MYOT: variants seen among roughly 807,000 people sequenced by gnomAD.
MYOT encodes myotilin, also known as 57 kDa cytoskeletal protein.
Under a neutral mutation model 58.0 loss-of-function variants are expected in MYOT, and 36 were observed. The ratio of observed to expected loss-of-function variants is 0.62; its 90% confidence interval spans 0.48 to 0.82. The LOEUF is 0.82. MYOT is among the 40% of genes least tolerant of loss of function. The probability of loss-of-function intolerance (pLI) is 0.00; values close to 1 mark genes in which losing one functional copy is unlikely to be tolerated. For missense variants in MYOT, 505 were observed against 592.1 expected (o/e 0.85, Z 1.53); for synonymous variants, 218 against 204.6 (o/e 1.07, Z -0.56).
intron 4 of MYOT, 38 bp downstream of exon 4, chr5:137,877,659 G>A: frequency 7.1e-7 from 1 of 1,417,046 alleles, no homozygotes; most frequent in Non-Finnish European, 1.0e-6. Context: ...TTTTTATTCT[G>A]TGCGATTTTT....
chr5:137,883,659 TAAAAG>T, intron 7 of MYOT, 68 bp downstream of exon 7: 2 of 1,435,994 alleles, frequency 1.4e-6, no homozygotes, highest in Non-Finnish European at 1.9e-6. Flanking sequence ...GAAAGTATTT[TAAAAG>T]AAAAGCCCAG....
chr5:137,882,023 A>G lies in MYOT; in HGVS notation c.734A>G (p.Glu245Gly), dbSNP rs368633016. ...GDVNDQDAIQ[E>G]KFYPPRFIQV... ...GTGAATGATCAGGATGCAATCCAGG[A>G]GAAATTTTACCCACCACGTTTCATT... is the stretch of plus-strand genomic sequence containing the variant. Residue 245 changes from glutamate to glycine, a missense_variant, in exon 6 of 10, where the codon GAG becomes GGG. By Grantham distance (98) the Glu-to-Gly change is moderately conservative. Transcript: ENST00000239926. 3.1e-6 allele frequency: 5 copies of G among 1,614,112 alleles called. No individual in the cohort carries two copies. The African/African-American group carries it at 6.7e-5, about 22-fold the overall frequency.
intron 2 of MYOT, among the ~76,000 whole-genome samples, chr5:137,873,780 AG>A (rs1755122537): frequency 6.6e-6 from 1 of 152,230 alleles, no homozygotes; most frequent in Non-Finnish European, 1.5e-5. Context: ...GTGTATCATT[AG>A]CTTTCAATAG....
In MYOT at chr5:137,877,516, A is replaced by G. The variant is rs1341257878; in HGVS notation, c.532-4A>G. ...TAATTACTGTCTCAATAAATTCTCT[A>G]AAGCGTCTAACATATGAAGAGAAGA... On this transcript the variant is annotated splice_polypyrimidine_tract_variant and splice_region_variant and intron_variant, in intron 3 of 9. Coordinates refer to ENST00000239926, the MANE Select transcript of MYOT (RefSeq NM_006790.3). 3 of 1,600,238 alleles carry G rather than the reference A, an allele frequency of 1.9e-6. No homozygotes were observed. The highest frequency in any genetic ancestry group is 1.3e-5 in the African/African-American group (1 of 74,618).
At position 137,870,506 on chromosome 5, in the gene MYOT, A is replaced by G. The variant is rs1235718603; in HGVS notation, c.-146A>G. Reference sequence around the variant, plus strand: ...GGAGCACAGTATTCTCAGGATCTCAACAAGGAAGAGCAGACCAAGGTTGCT... The same window carrying G: ...GGAGCACAGTATTCTCAGGATCTCAGCAAGGAAGAGCAGACCAAGGTTGCT... On this transcript the variant is annotated 5_prime_UTR_variant, in exon 2 of 10. Transcript: ENST00000239926. 9.2e-6 allele frequency: 7 copies of G among 759,528 alleles called. No individual in the cohort carries two copies. The highest frequency in any genetic ancestry group is 1.7e-5 in the Non-Finnish European group (7 of 420,748). 47.0% of individuals were successfully genotyped at this position (759,528 alleles called of 1,614,324 possible).
rs750574847 is a variant in MYOT, at chr5:137,887,010, A to AT, written c.1324+15dup. ...TTAGACGTTACGGGTATGTCATACTATTAACCAAAGTATTATAAGGGATTT... is the reference window on the plus strand; with the variant it reads ...TTAGACGTTACGGGTATGTCATACTATTTAACCAAAGTATTATAAGGGATTT... On this transcript the variant is annotated intron_variant, in intron 9 of 9. Coordinates refer to ENST00000239926, the MANE Select transcript of MYOT (RefSeq NM_006790.3). 1.2e-6 allele frequency: 2 copies of AT among 1,610,912 alleles called. No homozygotes were observed. Among genetic ancestry groups the AT allele is most frequent in the Non-Finnish European group, 1.7e-6 (2 of 1,177,056 alleles).
In MYOT at chr5:137,881,790, G is replaced by A. The variant is rs139831304; in HGVS notation, c.684-183G>A. Among the ~76,000 whole-genome samples, 575 of 152,104 alleles carry A rather than the reference G, an allele frequency of 3.8e-3. 3 individuals carry two copies. The highest frequency in any genetic ancestry group is 0.013 in the African/African-American group (537 of 41,496). On this transcript the variant is annotated intron_variant, in intron 5 of 9. Coordinates refer to ENST00000239926, the MANE Select transcript of MYOT (RefSeq NM_006790.3). ...CGGCTCACTGCAACCTCCGCCTCCC[G>A]GGTTCAAGCGATTCTCCTGCCTTAG...
chr5:137,880,627 C>T (rs1363426228), intron 4 of MYOT, 189 bp from the exon 5 acceptor site: 1 of 534,442 alleles, frequency 1.9e-6, no homozygotes, highest in African/African-American at 1.9e-5. Flanking sequence ...TAATTCTGGG[C>T]TTCTTGCTAG....
chr5:137,877,241 G>A (rs377625450), intron 3 of MYOT, among the ~76,000 whole-genome samples: 11 of 151,396 alleles, frequency 7.3e-5, no homozygotes, highest in African/African-American at 2.4e-4. Context: ...TGTGGCAGGC[G>A]CCTGTAGTCC....
chr5:137,887,048 TTAA>T (rs756290068), intron 9 of MYOT, 51 bp downstream of exon 9: 7 of 1,579,552 alleles, frequency 4.4e-6, no homozygotes, highest in Non-Finnish European at 5.2e-6. Context: ...CTAGGAAGAT[TTAA>T]TAAGAAATGA....
chr5:137,872,309 C>A (rs1411897081), intron 2 of MYOT, among the ~76,000 whole-genome samples: 1 of 152,022 alleles, frequency 6.6e-6, no homozygotes, highest in East Asian at 1.9e-4. Flanking sequence ...TTATATTTAC[C>A]CAGATGATCA....
chr5:137,879,738 T>A (rs144586351), intron 4 of MYOT, among the ~76,000 whole-genome samples: 3,373 of 145,556 alleles, frequency 0.023, 130 homozygotes, highest in African/African-American at 0.078. Flanking sequence ...GGATTTCACC[T>A]TGTTACCCAG....
At chr5:137,877,066 TAAAAAAAAAA>T (rs34554181) in intron 3 of MYOT, among the ~76,000 whole-genome samples, 1 of 143,330 alleles carries the variant, frequency 7.0e-6, no homozygotes, top group Non-Finnish European at 1.5e-5. Flanking sequence ...GAAAAGACTT[TAAAAAAAAAA>T]AAATAGAATC....
Position 137,876,104 on chromosome 5 carries a change from AG to A in MYOT, c.531+103del. ...ACAGATCTAGGTCCATATATCAACA[AG>A]GAATAAGATTATCTAAAAAGAAGGA... On this transcript the variant is annotated intron_variant, in intron 3 of 9. Transcript: ENST00000239926. 2.5e-6 allele frequency: 3 copies of A among 1,212,774 alleles called. No homozygotes were observed. In the South Asian group the frequency reaches 3.9e-5, roughly 16 times the overall value. The allele number at this position is 1,212,774 out of a possible 1,614,324, so 75.1% of individuals were successfully genotyped here.
intron 2 of MYOT, among the ~76,000 whole-genome samples, chr5:137,873,287 G>A (rs957168457): frequency 1.3e-5 from 2 of 151,354 alleles, no homozygotes; most frequent in Admixed American, 1.3e-4. Flanking sequence ...AGCACTTTGG[G>A]AGGCCAAGGT....
rs727504026 is a variant in MYOT at position 137,887,327 on chromosome 5, A to G, written c.1439A>G (p.Glu480Gly). ...GLNVKQAFNP[E>G]GEFQRLAAQS... ...AATGTAAAACAAGCTTTTAACCCAG[A>G]AGGAGAATTTCAGCGTTTGGCAGCT... Residue 480 changes from glutamate (E) to glycine (G), a missense_variant, in exon 10 of 10, where the codon GAA (glutamate) becomes GGA (glycine). By Grantham distance (98) the Glu-to-Gly change is moderately conservative. Transcript: ENST00000239926. 2.2e-5 allele frequency: 36 copies of G among 1,613,960 alleles called. No individual in the cohort carries two copies. The Admixed American group carries it at 5.8e-4, about 26-fold the overall frequency.
At chr5:137,872,136 A>G (rs1755070982) in intron 2 of MYOT, among the ~76,000 whole-genome samples, 3 of 152,226 alleles carry the variant, frequency 2.0e-5, no homozygotes, top group African/African-American at 4.8e-5. Flanking sequence ...ATAGATATTA[A>G]GTTGAACCAT....
rs1755197259 is a variant in MYOT at position 137,875,903 on chromosome 5, G to A, written c.431G>A (p.Arg144Lys). The A allele has an allele frequency of 6.2e-7, 1 of 1,613,994 alleles. No individual in the cohort carries two copies. Among genetic ancestry groups the A allele is most frequent in the Non-Finnish European group, 8.5e-7 (1 of 1,179,968 alleles). ...ACTGCAAATGCTAAGCCCATACCAA[G>A]AACTCCTGATCATGAAATACAAGGA... ...SQTANAKPIP[R>K]TPDHEIQGSK... Residue 144 changes from arginine to lysine, a missense_variant, in exon 3 of 10, where the codon AGA becomes AAA. Physicochemically the swap from Arg to Lys is conservative, Grantham distance 26. Transcript: ENST00000239926.
intron 7 of MYOT, 27 bp from the exon 8 acceptor site, chr5:137,886,021 T>C (rs759747845): frequency 7.0e-7 from 1 of 1,425,190 alleles, no homozygotes; most frequent in South Asian, 1.2e-5. Flanking sequence ...ATATTTCAAA[T>C]ACTTGAATTT....
Sources: allele counts gnomAD v4.1 joint callset (sites outside exome capture counted in the v4.1 genomes callset), GRCh38; gene constraint gnomAD v4.1.1; transcripts MANE v1.5; gene names NCBI Gene and HGNC (gene_info 2026-07-23, HGNC 2026-07-21).